The following GRK4 variants were observed in gnomAD, a reference collection of about 807,000 sequenced individuals.
GRK4 encodes G protein-coupled receptor kinase 4.
Under a neutral mutation model 77.9 loss-of-function variants are expected in GRK4, and 73 were observed. The observed-to-expected ratio is 0.94, with a 90% CI of 0.78 to 1.14. The LOEUF is 1.14. GRK4 is among the 50% of genes most tolerant of loss of function. The pLI is 0.00. For synonymous variants in GRK4, 257 were observed against 254.4 expected (o/e 1.01, Z -0.10); for missense variants, 729 against 700.2 (o/e 1.04, Z -0.46).
chr4:3,040,707 T>A lies in GRK4; in HGVS notation c.*82T>A. 2.8e-6 allele frequency: 3 copies of A among 1,090,692 alleles called. No individual in the cohort carries two copies. The highest frequency in any genetic ancestry group is 2.7e-6 in the Non-Finnish European group (2 of 728,954). The allele number at this position is 1,090,692 out of a possible 1,614,324, so 67.6% of individuals were successfully genotyped here. A position where few individuals can be genotyped will look rare whatever the true frequency, so the allele number is the denominator to read the frequency against. ...CGTCTCGTCCCACCTGGAATTGTAATAAATACATCTAAATAAAACATGCCT... is the reference window on the plus strand; with the variant it reads ...CGTCTCGTCCCACCTGGAATTGTAAAAAATACATCTAAATAAAACATGCCT... On this transcript the variant is annotated 3_prime_UTR_variant, in exon 16 of 16. Transcript: ENST00000398052.
intron 8 of GRK4, among the ~76,000 whole-genome samples, chr4:3,015,899 C>T (rs369270969): frequency 3.7e-5 from 5 of 133,810 alleles, no homozygotes; most frequent in African/African-American, 1.5e-4. Flanking sequence ...CATAGGGAGA[C>T]CCCCATCACC....
At position 2,984,569 on chromosome 4, in the gene GRK4, C is replaced by T. The variant is rs191361200; in HGVS notation, c.109C>T (p.Pro37Ser). 2 of 1,612,536 alleles carry T rather than the reference C, an allele frequency of 1.2e-6. No homozygotes were observed. Among genetic ancestry groups the T allele is most frequent in the Non-Finnish European group, 8.5e-7 (1 of 1,179,114 alleles). The stretch of plus-strand genomic sequence containing the variant: ...AAAATGGAAGGAGATACTGACACTG[C>T]CTCCTGTCAGCCAGTGCAGTGAGCT... The part of the protein sequence containing the change: ...SKKWKEILTL[P>S]PVSQCSELRH... Residue 37 changes from proline to serine, a missense_variant, in exon 2 of 16, where the codon CCT (proline) becomes TCT (serine). Physicochemically the swap from Pro to Ser is moderately conservative, Grantham distance 74. Coordinates refer to ENST00000398052, the MANE Select transcript of GRK4 (RefSeq NM_182982.3).
At chr4:3,030,132 T>C (rs754217247) in intron 12 of GRK4, among the ~76,000 whole-genome samples, 1 of 152,208 alleles carries the variant, frequency 6.6e-6, no homozygotes, top group Non-Finnish European at 1.5e-5. Context: ...CCAGAGACAC[T>C]CTGACCTGAG....
intron 4 of GRK4, among the ~76,000 whole-genome samples, chr4:3,001,587 G>A (rs920336709): frequency 4.6e-5 from 7 of 151,836 alleles, no homozygotes; most frequent in South Asian, 2.1e-4. Context: ...GGCTGGTCTC[G>A]AACTCCTGAC....
intron 4 of GRK4, among the ~76,000 whole-genome samples, chr4:2,995,797 A>G (rs940623528): frequency 6.6e-6 from 1 of 152,172 alleles, no homozygotes. Context: ...GGCAAAGGGA[A>G]CAAGGAGTGA....
At chr4:3,024,812 T>C (rs1736997675) in intron 10 of GRK4, among the ~76,000 whole-genome samples, 1 of 151,770 alleles carries the variant, frequency 6.6e-6, no homozygotes, top group Non-Finnish European at 1.5e-5. Flanking sequence ...GAGCCGAGAT[T>C]GCACCACTAC....
chr4:3,007,403 G>C (rs993263288), intron 5 of GRK4, among the ~76,000 whole-genome samples: 1 of 151,942 alleles, frequency 6.6e-6, no homozygotes, highest in African/African-American at 2.4e-5. Context: ...GTGGCCCATG[G>C]CTTTGACCTC....
rs532637299 is a variant in GRK4 at position 3,040,674 on chromosome 4, T to C, written c.*49T>C. ...CAGACCCTGGCGCCAGGAAGGAGCATGTGTTAGCGTCTCGTCCCACCTGGA... is the reference window on the plus strand; with the variant it reads ...CAGACCCTGGCGCCAGGAAGGAGCACGTGTTAGCGTCTCGTCCCACCTGGA... On this transcript the variant is annotated 3_prime_UTR_variant, in exon 16 of 16. Transcript: ENST00000398052. The C allele has an allele frequency of 3.3e-6, 5 of 1,501,938 alleles. No homozygotes were observed. In the Admixed American group the frequency reaches 7.2e-5, roughly 22 times the overall value. 93.0% of individuals were successfully genotyped at this position (1,501,938 alleles called of 1,614,324 possible).
At chr4:2,991,764 G>T (rs142998150) in intron 3 of GRK4, among the ~76,000 whole-genome samples, 3,040 of 152,122 alleles carry the variant, frequency 0.02, 103 homozygotes, top group African/African-American at 0.069. Flanking sequence ...TGCCTGCCTC[G>T]GCCTCCCAAA....
At chr4:3,014,082 C>G (rs1304014996) in intron 8 of GRK4, among the ~76,000 whole-genome samples, 1 of 152,054 alleles carries the variant, frequency 6.6e-6, no homozygotes, top group African/African-American at 2.4e-5. Flanking sequence ...TCTGTAGTCC[C>G]CCGCCTCCCA....
chr4:3,009,501 C>G (rs1444688199), intron 6 of GRK4, 147 bp from the exon 7 acceptor site: 2 of 585,236 alleles, frequency 3.4e-6, no homozygotes, highest in Admixed American at 2.7e-5. Flanking sequence ...GAGCCACAGT[C>G]CCTGAGCACA....
intron 1 of GRK4, chr4:2,966,693 T>A (rs973052451): frequency 2.6e-5 from 4 of 152,240 alleles, no homozygotes; most frequent in African/African-American, 9.6e-5. Context: ...CCAGGAGGTG[T>A]CTTCTTGGAC....
intron 1 of GRK4, among the ~76,000 whole-genome samples, chr4:2,964,355 G>A (rs1490987961): frequency 6.6e-6 from 1 of 152,116 alleles, no homozygotes; most frequent in Non-Finnish European, 1.5e-5. Flanking sequence ...CCAGATGAGA[G>A]AAGTCTGCGC....
intron 4 of GRK4, among the ~76,000 whole-genome samples, chr4:2,992,528 A>C (rs1279708017): frequency 6.6e-6 from 1 of 152,032 alleles, no homozygotes; most frequent in Non-Finnish European, 1.5e-5. Flanking sequence ...AAAATAAACA[A>C]AAAAACTAGC....
chr4:3,026,170 T>C (rs2515933), intron 10 of GRK4, among the ~76,000 whole-genome samples: 68,224 of 152,092 alleles, frequency 0.45, 16,166 homozygotes, highest in African/African-American at 0.57. Flanking sequence ...ACGCAATTTG[T>C]CAGATATTGC....
intron 1 of GRK4, chr4:2,970,906 G>A (rs1443317109): frequency 6.6e-6 from 1 of 151,946 alleles, no homozygotes; most frequent in East Asian, 2.0e-4. Flanking sequence ...TCCTGACCTT[G>A]TGATCTGCCC....
At chr4:3,022,859 A>T (rs115001308) in intron 10 of GRK4, among the ~76,000 whole-genome samples, 4,591 of 151,874 alleles carry the variant, frequency 0.03, 89 homozygotes, top group Middle Eastern at 0.041. Flanking sequence ...GCTAATTTTT[A>T]AATTTTTTTT....
intron 4 of GRK4, among the ~76,000 whole-genome samples, chr4:3,003,224 C>G (rs975180373): frequency 7.2e-5 from 11 of 152,298 alleles, no homozygotes; most frequent in African/African-American, 2.4e-4. Context: ...GAGTTTCGCT[C>G]TGTCGTCCAG....
intron 4 of GRK4, among the ~76,000 whole-genome samples, chr4:2,996,961 T>C (rs1408947325): frequency 6.6e-6 from 1 of 152,216 alleles, no homozygotes; most frequent in Admixed American, 6.5e-5. Context: ...GGCTCATGCC[T>C]GTAATCCCAG....
Sources: allele counts gnomAD v4.1 joint callset (sites outside exome capture counted in the v4.1 genomes callset), GRCh38; gene constraint gnomAD v4.1.1; transcripts MANE v1.5; gene names NCBI Gene and HGNC (gene_info 2026-07-23, HGNC 2026-07-21).